CDH8: variants seen among roughly 807,000 people sequenced by gnomAD.
CDH8 encodes the protein cadherin 8, also known as cadherin-8.
In CDH8, 17 loss-of-function variants were observed where a neutral mutation model predicts 68.1. That is an observed-to-expected ratio of 0.25 (90% CI 0.17 to 0.37). The LOEUF is 0.37. Among genes scored for constraint, CDH8 ranks in the 10% least tolerant of loss-of-function variants. The probability of loss-of-function intolerance (pLI) is 1.00; values close to 1 mark genes in which losing one functional copy is unlikely to be tolerated. For synonymous variants in CDH8, 372 were observed against 365.1 expected, an observed-to-expected ratio of 1.02 and a Z score of -0.21; for missense variants, 763 against 999.3, an observed-to-expected ratio of 0.76 and a Z score of 3.19.
rs1963273541 is a variant in CDH8 at position 61,649,488 on chromosome 16, G to A, written c.*4120C>T. ...TATTCTTTTTAATGTTGATATTCAT[G>A]TTTAAGTTGTGCATTTATAGAGCTT... On this transcript the variant is annotated 3_prime_UTR_variant, in exon 12 of 12. Coordinates refer to ENST00000577390, the MANE Select transcript of CDH8 (RefSeq NM_001796.5). 1 of 151,654 alleles carries A rather than the reference G, an allele frequency of 6.6e-6. No individual in the cohort carries two copies. The highest frequency in any genetic ancestry group is 1.5e-5 in the Non-Finnish European group (1 of 67,898). The allele number at this position is 151,654 out of a possible 1,614,324, so 9.4% of individuals were successfully genotyped here.
intron 2 of CDH8, among the ~76,000 whole-genome samples, chr16:61,942,622 T>C (rs1288461651): frequency 6.6e-6 from 1 of 152,206 alleles, no homozygotes; most frequent in Admixed American, 6.5e-5. Flanking sequence ...CTTCATCTCA[T>C]ACCACTCTAC....
rs534040915 is a variant in CDH8, at chr16:61,761,525, G to C, written c.1414+27821C>G. On this transcript the variant is annotated intron_variant, in intron 8 of 11. Coordinates refer to ENST00000577390, the MANE Select transcript of CDH8 (RefSeq NM_001796.5). ...CTAGAGCTAAAGACCTCCCTTAATG[G>C]TAGGCAGAGTATAAACCCTGTCTGA... Among the ~76,000 whole-genome samples the C allele has an allele frequency of 6.6e-5, 10 of 152,228 alleles. No homozygotes were observed. The South Asian group carries it at 1.5e-3, about 22-fold the overall frequency.
intron 2 of CDH8, among the ~76,000 whole-genome samples, chr16:61,978,132 T>A (rs1180446085): frequency 6.6e-6 from 1 of 152,190 alleles, no homozygotes; most frequent in Non-Finnish European, 1.5e-5. Context: ...TCCAACATTT[T>A]CTTCTGCTCT....
chr16:61,855,713 A>G (rs1288558757), intron 4 of CDH8, among the ~76,000 whole-genome samples: 1 of 152,136 alleles, frequency 6.6e-6, no homozygotes, highest in Non-Finnish European at 1.5e-5. Context: ...CATAGTTATT[A>G]CCTATTAAAC....
intron 8 of CDH8, among the ~76,000 whole-genome samples, chr16:61,769,438 A>G (rs781300391): frequency 2.6e-5 from 4 of 151,740 alleles, no homozygotes; most frequent in African/African-American, 4.8e-5. Context: ...ACATTGCATA[A>G]CTTCCCAATA....
chr16:61,899,229 T>C (rs1963924473), intron 3 of CDH8, among the ~76,000 whole-genome samples: 1 of 152,194 alleles, frequency 6.6e-6, no homozygotes, highest in South Asian at 2.1e-4. Context: ...ACATACAGTG[T>C]TTTGTTTTCT....
In CDH8 at chr16:62,021,330, G is replaced by T; in HGVS notation, c.74C>A (p.Pro25His). 2 of 1,614,028 alleles carry T rather than the reference G, an allele frequency of 1.2e-6. No homozygotes were observed. The highest frequency in any genetic ancestry group is 1.7e-6 in the Non-Finnish European group (2 of 1,179,930). ...ATTCATCGGAGCCATGTAAATGCAA[G>T]GGGGAAGAGTAATCCATAATATTAT... ...PLIILWITLPPCIYMAPMNQS... is the reference protein window; with the variant it reads ...PLIILWITLPHCIYMAPMNQS... Residue 25 changes from proline to histidine, a missense_variant, in exon 2 of 12, where the codon CCT (proline) becomes CAT (histidine). Physicochemically the swap from Pro to His is moderately conservative, Grantham distance 77 (BLOSUM62 -2). Around this residue, in one of 2 missense-constraint regions of CDH8, gnomAD observed 366 missense variants for 563.1 expected, o/e 0.65. Coordinates refer to ENST00000577390, the MANE Select transcript of CDH8 (RefSeq NM_001796.5).
intron 2 of CDH8, among the ~76,000 whole-genome samples, chr16:61,929,064 A>G (rs553002454): frequency 6.6e-6 from 1 of 152,220 alleles, no homozygotes; most frequent in South Asian, 2.1e-4. Context: ...GCCCGCCACC[A>G]TGCCCAGCTA....
chr16:62,023,542 C>T (rs184190590), intron 1 of CDH8, among the ~76,000 whole-genome samples: 6 of 152,238 alleles, frequency 3.9e-5, no homozygotes, highest in Admixed American at 6.5e-5. Flanking sequence ...CTGGAATCCA[C>T]GTGGTTATCC....
chr16:61,768,365 TC>T (rs1960673178), intron 8 of CDH8, among the ~76,000 whole-genome samples: 1 of 100,790 alleles, frequency 9.9e-6, no homozygotes, highest in African/African-American at 4.1e-5. Context: ...TCTCTCTCTC[TC>T]TCCCTTTCTC....
In CDH8 at chr16:61,821,119, A is replaced by G; in HGVS notation, c.836-6T>C. The G allele has an allele frequency of 1.3e-6, 2 of 1,590,156 alleles. No individual in the cohort carries two copies. The highest frequency in any genetic ancestry group is 1.7e-6 in the Non-Finnish European group (2 of 1,166,270). On this transcript the variant is annotated splice_region_variant and splice_polypyrimidine_tract_variant and intron_variant, in intron 5 of 11. Coordinates refer to ENST00000577390, the MANE Select transcript of CDH8 (RefSeq NM_001796.5). The stretch of plus-strand genomic sequence containing the variant: ...TACTGAGAAGTGATACAGGCCTTTA[A>G]AAAGAGGAGAAACAATGAGAGTCAC...
At chr16:61,970,523 A>G (rs1270818545) in intron 2 of CDH8, among the ~76,000 whole-genome samples, 5 of 152,228 alleles carry the variant, frequency 3.3e-5, no homozygotes, top group Admixed American at 6.5e-5. Flanking sequence ...ATACATAAAT[A>G]AAGCTGAAAA....
At chr16:61,955,133 A>G (rs1305377290) in intron 2 of CDH8, among the ~76,000 whole-genome samples, 3 of 152,262 alleles carry the variant, frequency 2.0e-5, no homozygotes, top group Non-Finnish European at 4.4e-5. Flanking sequence ...ATTGATATTC[A>G]TATAACAAAA....
intron 2 of CDH8, among the ~76,000 whole-genome samples, chr16:61,929,201 G>A (rs544940429): frequency 1.2e-3 from 180 of 152,226 alleles, no homozygotes; most frequent in East Asian, 2.1e-3. Context: ...GAGCCACAGC[G>A]CCTGGCCTGT....
At chr16:62,030,662 A>T (rs1446399251) in intron 1 of CDH8, among the ~76,000 whole-genome samples, 1 of 152,206 alleles carries the variant, frequency 6.6e-6, no homozygotes, top group Non-Finnish European at 1.5e-5. Flanking sequence ...AGAAAAAGAC[A>T]TGGAAAATAT....
chr16:61,738,885 A>T (rs1342591306), intron 8 of CDH8, among the ~76,000 whole-genome samples: 1 of 151,974 alleles, frequency 6.6e-6, no homozygotes, highest in African/African-American at 2.4e-5. Context: ...TCATCCTATT[A>T]TGTATTACTT....
intron 10 of CDH8, among the ~76,000 whole-genome samples, chr16:61,670,492 A>G (rs577161447): frequency 2.1e-4 from 32 of 152,192 alleles, no homozygotes; most frequent in African/African-American, 7.5e-4. Context: ...AGAGAAACAT[A>G]TATCACTGAT....
intron 8 of CDH8, among the ~76,000 whole-genome samples, chr16:61,765,458 T>C (rs1960565723): frequency 6.6e-6 from 1 of 151,966 alleles, no homozygotes; most frequent in African/African-American, 2.4e-5. Context: ...TCATTCAGCT[T>C]TACCCCACAT....
rs143261293 is a variant in CDH8 at position 61,960,269 on chromosome 16, G to A, written c.253-58796C>T. 5.6e-3 allele frequency among the ~76,000 whole-genome samples: 346 copies of A among 61,570 alleles called. 129 individuals carry two copies. Among genetic ancestry groups the A allele is most frequent in the African/African-American group, 0.048 (311 of 6,444 alleles). 40.4% of individuals were successfully genotyped at this position (61,570 alleles called of 152,430 possible). A position where few individuals can be genotyped will look rare whatever the true frequency, so the allele number is the denominator to read the frequency against. Reference sequence around the variant, plus strand: ...TGTGTGTATACACATACATATATACGTGTGTGTGTATACACACATATATAC... The same window carrying A: ...TGTGTGTATACACATACATATATACATGTGTGTGTATACACACATATATAC... On this transcript the variant is annotated intron_variant, in intron 2 of 11. Transcript: ENST00000577390.
Sources: gnomAD v4.1 joint callset for allele counts (sites outside exome capture counted in the v4.1 genomes callset) on GRCh38, gnomAD v4.1.1 for gene constraint, gnomAD v4.1.1 regional missense constraint, MANE v1.5 for transcripts, NCBI Gene and HGNC (gene_info 2026-07-23, HGNC 2026-07-21) for gene names.